Variants in GRM7 observed in about 807,000 individuals in gnomAD.
The protein encoded by GRM7 is metabotropic glutamate receptor 7.
In GRM7, 35 loss-of-function variants were observed where a neutral mutation model predicts 84.5. That is an observed-to-expected ratio of 0.41 (90% CI 0.32 to 0.55). The LOEUF is 0.55. Among genes scored for constraint, GRM7 ranks in the 20% least tolerant of loss-of-function variants. The pLI, the probability that GRM7 is intolerant of heterozygous loss-of-function variation, is 0.19. For synonymous variants in GRM7, 487 were observed against 455.1 expected (o/e 1.07, Z -0.89); for missense variants, 1,003 against 1,194.6 (o/e 0.84, Z 2.36).
At chr3:6,930,681 G>T (rs1268422742) in intron 1 of GRM7, among the ~76,000 whole-genome samples, 2 of 152,168 alleles carry the variant, frequency 1.3e-5, no homozygotes, top group African/African-American at 4.8e-5. Flanking sequence ...CTGGGGCTCT[G>T]TTCTCAGTTC....
In GRM7 at chr3:7,281,268, A is replaced by T. The variant is rs142674167; in HGVS notation, c.737-17416A>T. 7.1e-3 allele frequency among the ~76,000 whole-genome samples: 1,074 copies of T among 152,262 alleles called. 5 individuals are homozygous for T. The highest frequency in any genetic ancestry group is 0.044 in the Middle Eastern group (13 of 294). On this transcript the variant is annotated intron_variant, in intron 2 of 9. Transcript: ENST00000357716. ...TTTTTTAAATATTGTATTTTATTCT[A>T]TGTAAATCTATTTTTTTTGCAGTGC...
chr3:7,557,546 G>C (rs1693831024), intron 7 of GRM7, among the ~76,000 whole-genome samples: 1 of 151,982 alleles, frequency 6.6e-6, no homozygotes, highest in Non-Finnish European at 1.5e-5. Flanking sequence ...TAGATTTTCA[G>C]GGTTTATCCT....
chr3:6,893,207 G>A (rs932179176), intron 1 of GRM7, among the ~76,000 whole-genome samples: 6 of 152,084 alleles, frequency 3.9e-5, no homozygotes, highest in Non-Finnish European at 7.4e-5. Context: ...ACTGGACACT[G>A]GATCTGCCTG....
At chr3:6,866,575 A>G (rs1353591302) in intron 1 of GRM7, among the ~76,000 whole-genome samples, 1 of 152,142 alleles carries the variant, frequency 6.6e-6, no homozygotes, top group Non-Finnish European at 1.5e-5. Context: ...TCTCAATCAT[A>G]TATATCAAGG....
intron 1 of GRM7, among the ~76,000 whole-genome samples, chr3:6,931,624 A>T (rs17693740): frequency 0.049 from 7,401 of 152,310 alleles, 246 homozygotes; most frequent in Non-Finnish European, 0.073. Context: ...TTACTCTAAG[A>T]AACGACACCA....
chr3:7,477,525 C>T (rs1698969988), intron 7 of GRM7, among the ~76,000 whole-genome samples: 1 of 152,096 alleles, frequency 6.6e-6, no homozygotes, highest in Non-Finnish European at 1.5e-5. Context: ...AGTATGTGAC[C>T]AGAGGTAACA....
intron 1 of GRM7, among the ~76,000 whole-genome samples, chr3:7,143,585 A>C (rs572848124): frequency 6.6e-6 from 1 of 152,172 alleles, no homozygotes; most frequent in Admixed American, 6.6e-5. Context: ...AGTAATGAGG[A>C]AAGAAATCTG....
chr3:7,008,269 G>T (rs1695251178), intron 1 of GRM7, among the ~76,000 whole-genome samples: 1 of 152,158 alleles, frequency 6.6e-6, no homozygotes, highest in Non-Finnish European at 1.5e-5. Flanking sequence ...CAGCATCCTG[G>T]TGCATCAGTA....
At chr3:7,094,305 A>C (rs1374865584) in intron 1 of GRM7, among the ~76,000 whole-genome samples, 3 of 152,182 alleles carry the variant, frequency 2.0e-5, no homozygotes, top group Non-Finnish European at 4.4e-5. Flanking sequence ...AACCGACATA[A>C]TTGGCCATAA....
At chr3:7,000,141 T>C (rs914363601) in intron 1 of GRM7, among the ~76,000 whole-genome samples, 2 of 149,914 alleles carry the variant, frequency 1.3e-5, no homozygotes, top group African/African-American at 2.4e-5. Flanking sequence ...ATAAATGCCA[T>C]GACAACAGTA....
chr3:7,636,221 T>G (rs1244907305), intron 8 of GRM7: 4 of 456,710 alleles, frequency 8.8e-6, no homozygotes, highest in South Asian at 6.2e-5. Flanking sequence ...CCTCAATTTC[T>G]TTGTAATGTC....
intron 3 of GRM7, among the ~76,000 whole-genome samples, chr3:7,302,055 C>T (rs73809059): frequency 0.092 from 13,939 of 151,872 alleles, 1,803 homozygotes; most frequent in African/African-American, 0.29. Flanking sequence ...GGAACACATG[C>T]TCATTGTAAA....
intron 1 of GRM7, among the ~76,000 whole-genome samples, chr3:7,099,878 G>GTGCACATATATGTATATGTACACC (rs1699046008): frequency 7.3e-6 from 1 of 136,792 alleles, no homozygotes; most frequent in Non-Finnish European, 1.6e-5. Context: ...ATATGTACAC[G>GTGCACATATATGTATATGTACACC]CATTATACAT....
intron 1 of GRM7, among the ~76,000 whole-genome samples, chr3:6,907,440 A>G (rs1378246504): frequency 6.6e-6 from 1 of 152,208 alleles, no homozygotes; most frequent in Non-Finnish European, 1.5e-5. Flanking sequence ...GTTCAAAATT[A>G]TTGGCAAGAA....
At chr3:7,631,112 G>C (rs889045378) in intron 8 of GRM7, among the ~76,000 whole-genome samples, 2 of 152,186 alleles carry the variant, frequency 1.3e-5, no homozygotes, top group Non-Finnish European at 2.9e-5. Context: ...TGTCATTTCA[G>C]CTGTGGGGAC....
At chr3:7,624,377 C>A (rs1312163892) in intron 8 of GRM7, among the ~76,000 whole-genome samples, 2 of 152,112 alleles carry the variant, frequency 1.3e-5, no homozygotes, top group African/African-American at 4.8e-5. Context: ...ACCATAATAG[C>A]ACCTCTAACA....
intron 7 of GRM7, among the ~76,000 whole-genome samples, chr3:7,499,164 CATAG>C (rs1056743952): frequency 1.6e-4 from 24 of 152,218 alleles, no homozygotes; most frequent in African/African-American, 5.5e-4. Context: ...TCTAACTTCC[CATAG>C]ATAGTCTTTC....
intron 8 of GRM7, among the ~76,000 whole-genome samples, chr3:7,619,464 G>A (rs1030596219): frequency 1.3e-5 from 2 of 152,022 alleles, no homozygotes; most frequent in African/African-American, 4.8e-5. Flanking sequence ...GGGGGATTAA[G>A]CAAAGGCCCA....
intron 2 of GRM7, among the ~76,000 whole-genome samples, chr3:7,275,629 A>G (rs746647965): frequency 1.6e-4 from 24 of 152,154 alleles, no homozygotes; most frequent in Non-Finnish European, 2.8e-4. Flanking sequence ...TTCCCCAACT[A>G]GGTGAGGTAG....
Sources: gnomAD v4.1 joint callset for allele counts (sites outside exome capture counted in the v4.1 genomes callset) on GRCh38, gnomAD v4.1.1 for gene constraint, MANE v1.5 for transcripts, NCBI Gene and HGNC (gene_info 2026-07-23, HGNC 2026-07-21) for gene names.